Variants in CHRM5 observed in about 807,000 individuals in gnomAD.
CHRM5 encodes the protein cholinergic receptor muscarinic 5, also known as muscarinic acetylcholine receptor M5.
Under a neutral mutation model 39.0 loss-of-function variants are expected in CHRM5, and 18 were observed. That is an observed-to-expected ratio of 0.46 (90% CI 0.32 to 0.68). The LOEUF (loss-of-function observed/expected upper bound fraction) is 0.68. Ranked by LOEUF, CHRM5 falls within the 30% of genes least tolerant of loss-of-function variation. CHRM5 has a pLI of 0.04. For synonymous variants in CHRM5, 241 were observed against 246.3 expected, an observed-to-expected ratio of 0.98 and a Z score of 0.20; for missense variants, 515 against 651.1, an observed-to-expected ratio of 0.79 and a Z score of 2.28.
At chr15:33,975,852 C>A (rs1167484679) in intron 1 of CHRM5, among the ~76,000 whole-genome samples, 1 of 152,192 alleles carries the variant, frequency 6.6e-6, no homozygotes, top group Non-Finnish European at 1.5e-5. Flanking sequence ...ATCCCTTGAA[C>A]CCGGGCAGCG....
intron 1 of CHRM5, chr15:34,003,131 A>G (rs773603053): frequency 1.2e-6 from 2 of 1,613,864 alleles, no homozygotes; most frequent in South Asian, 2.2e-5. Flanking sequence ...TCCCAGTTAG[A>G]GACAATCTTT....
In CHRM5 at chr15:34,038,629, G is replaced by T; in HGVS notation, c.-407-7911G>T. 5.7e-3 allele frequency: 3 copies of T among 526 alleles called. 1 individual carries two copies. The highest frequency in any genetic ancestry group is 0.011 in the Non-Finnish European group (3 of 274). 0.0% of individuals were successfully genotyped at this position (526 alleles called of 1,614,324 possible). ...CGCCCCCGCCACCAGGCGCGCCCCCGCGCCACCATCCGCCCGTCCCGCGCA... is the reference window on the plus strand; with the variant it reads ...CGCCCCCGCCACCAGGCGCGCCCCCTCGCCACCATCCGCCCGTCCCGCGCA... On this transcript the variant is annotated intron_variant, in intron 1 of 2. Transcript: ENST00000383263.
At chr15:34,049,359 T>C (rs1899845742) in intron 2 of CHRM5, among the ~76,000 whole-genome samples, 1 of 152,150 alleles carries the variant, frequency 6.6e-6, no homozygotes, top group South Asian at 2.1e-4. Flanking sequence ...GAGAGGAACA[T>C]AACAGACCTA....
chr15:34,007,006 T>C (rs370191123), intron 1 of CHRM5: 2 of 938,108 alleles, frequency 2.1e-6, no homozygotes, highest in Non-Finnish European at 2.5e-6. Flanking sequence ...TAAATATTGT[T>C]ACAAAATTAG....
At chr15:34,055,075 C>G (rs1240449112) in intron 2 of CHRM5, among the ~76,000 whole-genome samples, 3 of 151,716 alleles carry the variant, frequency 2.0e-5, no homozygotes, top group Non-Finnish European at 1.5e-5. Context: ...GCCTGTAATC[C>G]CAGCTACTCA....
At chr15:34,007,872 C>A (rs1897429374) in intron 1 of CHRM5, among the ~76,000 whole-genome samples, 1 of 152,192 alleles carries the variant, frequency 6.6e-6, no homozygotes, top group African/African-American at 2.4e-5. Flanking sequence ...GCAACCTTAG[C>A]ATTCCTTCCT....
chr15:34,030,538 G>C (rs1003311228), intron 1 of CHRM5, among the ~76,000 whole-genome samples: 4 of 152,046 alleles, frequency 2.6e-5, no homozygotes, highest in African/African-American at 9.7e-5. Flanking sequence ...AGTAGAGACA[G>C]GGTTTCATTG....
intron 2 of CHRM5, among the ~76,000 whole-genome samples, chr15:34,048,078 G>C (rs1049461683): frequency 6.6e-6 from 1 of 152,180 alleles, no homozygotes; most frequent in Non-Finnish European, 1.5e-5. Context: ...GTTTCACCCT[G>C]TTGCCCAGGC....
intron 1 of CHRM5, among the ~76,000 whole-genome samples, chr15:33,983,205 TATATATATAC>T (rs1567447723): frequency 1.2e-4 from 3 of 26,042 alleles, no homozygotes; most frequent in South Asian, 1.4e-3. Flanking sequence ...TGTGTGTATA[TATATATATAC>T]ATATATATAC....
At chr15:33,971,269 T>C (rs1181637971) in intron 1 of CHRM5, among the ~76,000 whole-genome samples, 1 of 152,086 alleles carries the variant, frequency 6.6e-6, no homozygotes, top group African/African-American at 2.4e-5. Flanking sequence ...CAATTTAGAA[T>C]GTATTTCATT....
intron 2 of CHRM5, among the ~76,000 whole-genome samples, chr15:34,047,635 T>G (rs1370753670): frequency 6.6e-6 from 1 of 152,178 alleles, no homozygotes; most frequent in Non-Finnish European, 1.5e-5. Flanking sequence ...TTCAGTTGAC[T>G]CAGCCATTCT....
chr15:34,031,445 G>A (rs1898816347), intron 1 of CHRM5, among the ~76,000 whole-genome samples: 1 of 152,140 alleles, frequency 6.6e-6, no homozygotes, highest in South Asian at 2.1e-4. Context: ...AAAGTGCTGG[G>A]ATTACGGGCA....
At chr15:34,017,175 T>G (rs1214937963) in intron 1 of CHRM5, among the ~76,000 whole-genome samples, 1 of 151,928 alleles carries the variant, frequency 6.6e-6, no homozygotes, top group Non-Finnish European at 1.5e-5. Context: ...TCACCTACAA[T>G]GAATCCAACC....
intron 1 of CHRM5, among the ~76,000 whole-genome samples, chr15:34,003,643 A>C (rs1359512370): frequency 6.6e-6 from 1 of 152,232 alleles, no homozygotes; most frequent in African/African-American, 2.4e-5. Context: ...TTTTAGAGCA[A>C]TGAAAGTATG....
intron 1 of CHRM5, among the ~76,000 whole-genome samples, chr15:33,973,287 A>G (rs917803840): frequency 5.9e-5 from 9 of 152,242 alleles, no homozygotes; most frequent in Non-Finnish European, 1.2e-4. Flanking sequence ...TTATCAACTA[A>G]AAATCCTTAG....
chr15:33,974,988 C>A (rs553598), intron 1 of CHRM5, among the ~76,000 whole-genome samples: 129,453 of 152,154 alleles, frequency 0.85, 57,855 homozygotes, highest in Non-Finnish European at 0.98. Flanking sequence ...AAAAAAAGAA[C>A]AACAGATTTT....
At chr15:34,017,833 A>G (rs1898008871) in intron 1 of CHRM5, among the ~76,000 whole-genome samples, 1 of 152,188 alleles carries the variant, frequency 6.6e-6, no homozygotes, top group South Asian at 2.1e-4. Flanking sequence ...GCAACTAAGT[A>G]ATGCACCACA....
At chr15:34,056,625 C>T (rs1327088771) in intron 2 of CHRM5, among the ~76,000 whole-genome samples, 3 of 152,158 alleles carry the variant, frequency 2.0e-5, no homozygotes, top group Non-Finnish European at 4.4e-5. Flanking sequence ...AGTCTATGAG[C>T]AGACTCTGAG....
Position 33,983,207 on chromosome 15 carries a change from TATATATAC to T in CHRM5, c.-408+14065_-408+14072del, listed in dbSNP as rs1394971665. On this transcript the variant is annotated intron_variant, in intron 1 of 2. Coordinates refer to ENST00000383263, the MANE Select transcript of CHRM5 (RefSeq NM_012125.4). Reference sequence around the variant, plus strand: ...ACGTGTGTGTATGTGTGTGTATATATATATATACATATATATACACACACATACACACA... The same window carrying T: ...ACGTGTGTGTATGTGTGTGTATATATATATATATACACACACATACACACA... 4.2e-3 allele frequency among the ~76,000 whole-genome samples: 68 copies of T among 16,356 alleles called. 1 individual carries two copies. The East Asian group carries it at 0.1, about 25-fold the overall frequency. 10.7% of individuals were successfully genotyped at this position (16,356 alleles called of 152,430 possible).
Sources: gnomAD v4.1 joint callset for allele counts (sites outside exome capture counted in the v4.1 genomes callset) on GRCh38, gnomAD v4.1.1 for gene constraint, MANE v1.5 for transcripts, NCBI Gene and HGNC (gene_info 2026-07-23, HGNC 2026-07-21) for gene names.